Variants in ANGPT2 observed in about 807,000 individuals in gnomAD.
ANGPT2 encodes angiopoietin 2.
A neutral mutation model predicts 62.9 loss-of-function variants in ANGPT2; 28 were observed. That is an observed-to-expected ratio of 0.44 (90% CI 0.33 to 0.61). The LOEUF (loss-of-function observed/expected upper bound fraction) is 0.61. ANGPT2 is among the 20% of genes least tolerant of loss of function. The probability of loss-of-function intolerance (pLI) is 0.03; values close to 1 mark genes in which losing one functional copy is unlikely to be tolerated. For missense variants in ANGPT2, 727 were observed against 594.9 expected, an observed-to-expected ratio of 1.22 and a Z score of -2.31; for synonymous variants, 284 against 207.8, an observed-to-expected ratio of 1.37 and a Z score of -3.15.
intron 1 of ANGPT2, among the ~76,000 whole-genome samples, chr8:6,546,977 T>C (rs1482957452): frequency 6.6e-6 from 1 of 152,198 alleles, no homozygotes; most frequent in Non-Finnish European, 1.5e-5. Flanking sequence ...TCCTGTCTTC[T>C]TTCAGGTGAA....
At chr8:6,505,731 CTATA>C (rs1425480650) in intron 8 of ANGPT2, among the ~76,000 whole-genome samples, 1 of 128,716 alleles carries the variant, frequency 7.8e-6, no homozygotes, top group African/African-American at 2.9e-5. Context: ...TATATATATT[CTATA>C]TATATTCTTT....
chr8:6,531,330 C>G (rs1170048234), intron 2 of ANGPT2, among the ~76,000 whole-genome samples: 1 of 150,930 alleles, frequency 6.6e-6, no homozygotes, highest in East Asian at 1.9e-4. Flanking sequence ...ACTCTGTTGC[C>G]CAGGCTGGAG....
chr8:6,539,823 G>A (rs145034364), intron 1 of ANGPT2, among the ~76,000 whole-genome samples: 190 of 152,294 alleles, frequency 1.2e-3, no homozygotes, highest in African/African-American at 4.1e-3. Flanking sequence ...CTGACATCAG[G>A]CCATCTGCCT....
At chr8:6,539,306 A>C (rs561027949) in intron 1 of ANGPT2, among the ~76,000 whole-genome samples, 2 of 152,246 alleles carry the variant, frequency 1.3e-5, no homozygotes, top group Non-Finnish European at 2.9e-5. Context: ...AGAAAAGCCC[A>C]TGCCAAAGCT....
intron 1 of ANGPT2, among the ~76,000 whole-genome samples, chr8:6,540,843 GCACACGTGGACT>G (rs1821421164): frequency 6.6e-6 from 1 of 152,196 alleles, no homozygotes; most frequent in Non-Finnish European, 1.5e-5. Context: ...AGGGTGGTTC[GCACACGTGGACT>G]CAGGCGGCCA....
intron 7 of ANGPT2, among the ~76,000 whole-genome samples, chr8:6,512,848 A>C (rs987829844): frequency 6.6e-6 from 1 of 152,200 alleles, no homozygotes; most frequent in South Asian, 2.1e-4. Flanking sequence ...TGTGAATCTG[A>C]TGTATTTCCT....
At chr8:6,550,134 C>T (rs1469015456) in intron 1 of ANGPT2, among the ~76,000 whole-genome samples, 1 of 152,212 alleles carries the variant, frequency 6.6e-6, no homozygotes, top group African/African-American at 2.4e-5. Context: ...AACTATCGTG[C>T]CTCCTCATGA....
chr8:6,507,141 A>G (rs1306219549), intron 8 of ANGPT2, among the ~76,000 whole-genome samples: 2 of 152,120 alleles, frequency 1.3e-5, no homozygotes, highest in Non-Finnish European at 1.5e-5. Context: ...CAGGTGATCC[A>G]TCCACCTTGG....
chr8:6,519,027 C>T (rs1009232737), intron 5 of ANGPT2, among the ~76,000 whole-genome samples: 1 of 152,058 alleles, frequency 6.6e-6, no homozygotes, highest in Non-Finnish European at 1.5e-5. Context: ...TGTGGCTTTG[C>T]CTGCTGTGAG....
chr8:6,532,219 C>T (rs146508943), intron 2 of ANGPT2, 113 bp downstream of exon 2: 86 of 1,211,528 alleles, frequency 7.1e-5, no homozygotes, highest in South Asian at 4.0e-4. Flanking sequence ...TCCTTTTCTC[C>T]TGTGGTGGTG....
intron 2 of ANGPT2, among the ~76,000 whole-genome samples, chr8:6,529,591 G>C (rs551549840): frequency 1.3e-5 from 2 of 150,798 alleles, no homozygotes; most frequent in Non-Finnish European, 2.9e-5. Flanking sequence ...CAAGTAACTG[G>C]GTCTATAAGT....
rs375663857 is a variant in ANGPT2 at position 6,528,985 on chromosome 8, G to A, written c.445-1309C>T. Among the ~76,000 whole-genome samples the A allele has an allele frequency of 7.2e-5, 11 of 152,296 alleles. No homozygotes were observed. In the South Asian group the frequency reaches 2.1e-3, roughly 29 times the overall value. ...TACATTTGGCCTACGTCTTCTTTGA[G>A]TCCAAACATTCTATGTTGGTTATTT... On this transcript the variant is annotated intron_variant, in intron 2 of 8. Coordinates refer to ENST00000629816, the MANE Select transcript of ANGPT2 (RefSeq NM_001118887.2).
chr8:6,505,362 T>TAC lies in ANGPT2; in HGVS notation c.1328-2102_1328-2101insGT, dbSNP rs1554514717. Among the ~76,000 whole-genome samples the TAC allele has an allele frequency of 4.3e-3, 219 of 50,766 alleles. 30 individuals carry two copies. Among genetic ancestry groups the TAC allele is most frequent in the African/African-American group, 0.014 (200 of 13,824 alleles). 33.3% of individuals were successfully genotyped at this position (50,766 alleles called of 152,430 possible). On this transcript the variant is annotated intron_variant, in intron 8 of 8. Coordinates refer to ENST00000629816, the MANE Select transcript of ANGPT2 (RefSeq NM_001118887.2). ...AGAATATATATATTCTTTCTATATG[T>TAC]ATATAGAATATATATATTCTTTCTA...
chr8:6,523,302 G>A (rs1387833450), intron 3 of ANGPT2, among the ~76,000 whole-genome samples: 1 of 151,604 alleles, frequency 6.6e-6, no homozygotes, highest in African/African-American at 2.4e-5. Context: ...TGGCAGAAAA[G>A]CTTTTTAAAA....
chr8:6,538,319 C>T (rs573335564), intron 1 of ANGPT2, among the ~76,000 whole-genome samples: 11 of 152,312 alleles, frequency 7.2e-5, no homozygotes, highest in African/African-American at 2.4e-4. Context: ...CCCATCTTCC[C>T]GCCCAGGGTC....
Position 6,500,025 on chromosome 8 carries a change from A to G in ANGPT2, c.*3076T>C, listed in dbSNP as rs1432307371. ...GTGGACTTAAGTTTTTATCCAGTCA[A>G]GCACAATTATGCCCATAATTAAAAA... On this transcript the variant is annotated 3_prime_UTR_variant, in exon 9 of 9. Transcript: ENST00000629816. 4 of 1,006,914 alleles carry G rather than the reference A, an allele frequency of 4.0e-6. No individual in the cohort carries two copies. Among genetic ancestry groups the G allele is most frequent in the African/African-American group, 1.6e-5 (1 of 63,422 alleles). 62.4% of individuals were successfully genotyped at this position (1,006,914 alleles called of 1,614,324 possible). A position where few individuals can be genotyped will look rare whatever the true frequency, so the allele number is the denominator to read the frequency against.
intron 1 of ANGPT2, among the ~76,000 whole-genome samples, chr8:6,540,476 C>T (rs1289767571): frequency 6.6e-6 from 1 of 152,178 alleles, no homozygotes; most frequent in Non-Finnish European, 1.5e-5. Context: ...TCTTGTAGGG[C>T]ACATGTATAT....
intron 5 of ANGPT2, among the ~76,000 whole-genome samples, chr8:6,517,458 C>T (rs964587848): frequency 6.6e-5 from 10 of 152,334 alleles, no homozygotes; most frequent in African/African-American, 1.2e-4. Context: ...GTCTCTCTCT[C>T]GTAGAAGAAC....
chr8:6,540,963 T>A (rs1821441326), intron 1 of ANGPT2, among the ~76,000 whole-genome samples: 1 of 152,180 alleles, frequency 6.6e-6, no homozygotes, highest in African/African-American at 2.4e-5. Flanking sequence ...GGGACTGCTG[T>A]CCCCAGGGGG....
Sources: gnomAD v4.1 joint callset for allele counts (sites outside exome capture counted in the v4.1 genomes callset) on GRCh38, gnomAD v4.1.1 for gene constraint, MANE v1.5 for transcripts, NCBI Gene and HGNC (gene_info 2026-07-23, HGNC 2026-07-21) for gene names.